Variants in SH2D4A observed in about 807,000 individuals in gnomAD.
SH2D4A encodes the protein SH2 domain-containing protein 4A.
Under a neutral mutation model 64.7 loss-of-function variants are expected in SH2D4A, and 70 were observed. The observed-to-expected ratio is 1.08, with a 90% CI of 0.89 to 1.32. The LOEUF (loss-of-function observed/expected upper bound fraction) is 1.32. SH2D4A is among the 40% of genes most tolerant of loss of function. SH2D4A has a pLI of 0.00. For missense variants in SH2D4A, 706 were observed against 540.1 expected (o/e 1.31, Z -3.04); for synonymous variants, 268 against 200.7 (o/e 1.34, Z -2.83).
At chr8:19,356,222 G>A (rs1352953102) in intron 4 of SH2D4A, among the ~76,000 whole-genome samples, 3 of 152,220 alleles carry the variant, frequency 2.0e-5, no homozygotes, top group African/African-American at 7.2e-5. Flanking sequence ...GGGAAATGCG[G>A]TATAGTGGGG....
At position 19,333,044 on chromosome 8, in the gene SH2D4A, G is replaced by A; in HGVS notation, c.271G>A (p.Asp91Asn). 1 of 1,614,096 alleles carries A rather than the reference G, an allele frequency of 6.2e-7. No individual in the cohort carries two copies. The highest frequency in any genetic ancestry group is 8.5e-7 in the Non-Finnish European group (1 of 1,180,016). The change falls in exon 3 of 10, where the codon GAT becomes AAT. Residue 91 changes from aspartate (D) to asparagine (N), a missense_variant. By Grantham distance (23) the Asp-to-Asn change is conservative. Coordinates refer to ENST00000265807, the MANE Select transcript of SH2D4A (RefSeq NM_022071.4). ...CGAACACCATCTAGATAAACCCTAT[G>A]ATGTGCTCTGTAATGAAATTATTGC... The part of the protein sequence containing the change: ...MGEHHLDKPY[D>N]VLCNEIIAER...
rs2053575096 is a variant in SH2D4A at position 19,395,542 on chromosome 8, G to A, written c.*900G>A. 1 of 152,174 alleles carries A rather than the reference G, an allele frequency of 6.6e-6. No homozygotes were observed. The highest frequency in any genetic ancestry group is 2.4e-5 in the African/African-American group (1 of 41,426). The allele number at this position is 152,174 out of a possible 1,614,324, so 9.4% of individuals were successfully genotyped here. A position where few individuals can be genotyped will look rare whatever the true frequency, so the allele number is the denominator to read the frequency against. ...AGATGAGGTCACATTGGATTAGGGT[G>A]GGCCCCAAATCCAATGACTGGCATC... On this transcript the variant is annotated 3_prime_UTR_variant, in exon 10 of 10. Transcript: ENST00000265807.
At chr8:19,372,036 C>T (rs1458830512) in intron 7 of SH2D4A, among the ~76,000 whole-genome samples, 1 of 152,080 alleles carries the variant, frequency 6.6e-6, no homozygotes, top group African/African-American at 2.4e-5. Context: ...CCTGTGGTAT[C>T]TTATTTTGTA....
chr8:19,314,781 A>G (rs182211255), intron 1 of SH2D4A, among the ~76,000 whole-genome samples: 3 of 152,342 alleles, frequency 2.0e-5, no homozygotes, highest in South Asian at 2.1e-4. Context: ...GGAATTCTCT[A>G]TGTATACTAA....
chr8:19,386,193 A>C (rs941714978), intron 8 of SH2D4A, among the ~76,000 whole-genome samples: 5 of 152,224 alleles, frequency 3.3e-5, no homozygotes, highest in Admixed American at 3.3e-4. Context: ...CGTTTTGTCC[A>C]AATTATCCTC....
At chr8:19,390,374 A>C (rs568200848) in intron 8 of SH2D4A, among the ~76,000 whole-genome samples, 1 of 152,288 alleles carries the variant, frequency 6.6e-6, no homozygotes, top group Admixed American at 6.5e-5. Context: ...GTTTAAAAAA[A>C]AGAAAACGTG....
intron 4 of SH2D4A, among the ~76,000 whole-genome samples, chr8:19,341,585 G>A (rs998136692): frequency 1.7e-4 from 26 of 152,178 alleles, no homozygotes; most frequent in Non-Finnish European, 5.9e-5. Context: ...ACTCACATCT[G>A]TAATGCCTGC....
intron 5 of SH2D4A, 40 bp from the exon 6 acceptor site, chr8:19,361,163 T>C (rs1226424897): frequency 3.1e-6 from 4 of 1,288,784 alleles, no homozygotes; most frequent in East Asian, 2.4e-5. Context: ...TTTTTTTGTT[T>C]TGTTTTGTTT....
At chr8:19,356,388 G>GA (rs1165705065) in intron 4 of SH2D4A, among the ~76,000 whole-genome samples, 2 of 152,304 alleles carry the variant, frequency 1.3e-5, no homozygotes, top group Admixed American at 6.5e-5. Context: ...CCAAAATTAA[G>GA]AACTCAGACA....
chr8:19,359,835 A>C (rs1428859822), intron 5 of SH2D4A, among the ~76,000 whole-genome samples: 1 of 151,114 alleles, frequency 6.6e-6, no homozygotes, highest in African/African-American at 2.5e-5. Flanking sequence ...ATTAATGTTT[A>C]TACTTTACGT....
intron 4 of SH2D4A, among the ~76,000 whole-genome samples, chr8:19,350,873 G>A (rs1039984608): frequency 3.9e-5 from 6 of 152,134 alleles, no homozygotes; most frequent in African/African-American, 7.2e-5. Context: ...GTCTCTGTGC[G>A]TGGATTTTGC....
intron 4 of SH2D4A, among the ~76,000 whole-genome samples, chr8:19,336,575 G>A (rs1483775377): frequency 6.6e-6 from 1 of 152,204 alleles, no homozygotes; most frequent in Non-Finnish European, 1.5e-5. Flanking sequence ...ATGCAGCTGA[G>A]TGTGTTTGCT....
chr8:19,326,694 T>C (rs2117191248), intron 2 of SH2D4A, among the ~76,000 whole-genome samples: 1 of 152,174 alleles, frequency 6.6e-6, no homozygotes, highest in South Asian at 2.1e-4. Flanking sequence ...TGTGAGAGCA[T>C]GTGTGCCTGC....
intron 2 of SH2D4A, among the ~76,000 whole-genome samples, chr8:19,320,855 G>C (rs1354780635): frequency 2.0e-5 from 3 of 152,050 alleles, no homozygotes; most frequent in African/African-American, 7.2e-5. Context: ...CATTAAACCA[G>C]GAAAATAAAA....
chr8:19,353,473 A>G (rs1237472246), intron 4 of SH2D4A, among the ~76,000 whole-genome samples: 1 of 151,412 alleles, frequency 6.6e-6, no homozygotes. Flanking sequence ...GGTTCAAGCA[A>G]TTCTCTTGCC....
At chr8:19,313,983 C>T (rs549936185) in intron 1 of SH2D4A, 160 bp downstream of exon 1, 4 of 1,247,540 alleles carry the variant, frequency 3.2e-6, no homozygotes, top group East Asian at 3.2e-5. Context: ...TCGCGGCGCC[C>T]GGGGCGGGCT....
At chr8:19,356,466 A>G (rs930485942) in intron 4 of SH2D4A, among the ~76,000 whole-genome samples, 8 of 152,146 alleles carry the variant, frequency 5.3e-5, no homozygotes, top group African/African-American at 1.7e-4. Flanking sequence ...ACATTTGACT[A>G]CCCATGTTGG....
At chr8:19,318,477 A>C (rs4922018) in intron 1 of SH2D4A, among the ~76,000 whole-genome samples, 119,150 of 152,072 alleles carry the variant, frequency 0.78, 46,793 homozygotes, top group Middle Eastern at 0.84. Flanking sequence ...ATTTCCAACC[A>C]CAGGAGAACT....
At chr8:19,316,817 G>T (rs1475593698) in intron 1 of SH2D4A, among the ~76,000 whole-genome samples, 1 of 152,208 alleles carries the variant, frequency 6.6e-6, no homozygotes, top group Non-Finnish European at 1.5e-5. Flanking sequence ...CTTACCAGCT[G>T]CTGACCTGTG....
Sources: allele counts gnomAD v4.1 joint callset (sites outside exome capture counted in the v4.1 genomes callset), GRCh38; gene constraint gnomAD v4.1.1; transcripts MANE v1.5; gene names NCBI Gene and HGNC (gene_info 2026-07-23, HGNC 2026-07-21).